The following UNC45A variants were observed in gnomAD, a reference collection of about 807,000 sequenced individuals.
The protein encoded by UNC45A is unc-45 myosin chaperone A, also known as protein unc-45 homolog A.
A neutral mutation model predicts 103.2 loss-of-function variants in UNC45A; 78 were observed. The ratio of observed to expected loss-of-function variants is 0.76; its 90% CI spans 0.63 to 0.91. The LOEUF is 0.91. Among genes scored for constraint, UNC45A ranks in the 40% least tolerant of loss-of-function variants. UNC45A has a pLI of 0.00. For missense variants in UNC45A, 1,193 were observed against 1,224.8 expected (o/e 0.97, Z 0.39); for synonymous variants, 495 against 504.6 (o/e 0.98, Z 0.25).
In UNC45A at chr15:90,949,177, A is replaced by G. The variant is rs1596238108; in HGVS notation, c.1879-139A>G. On this transcript the variant is annotated intron_variant, in intron 13 of 19. Transcript: ENST00000418476. ...AGGTGTGAGCCACCGTGCCCAGCCAACAGCCTCCCTTTTAAGCCAGTTTGT... is the reference window on the plus strand; with the variant it reads ...AGGTGTGAGCCACCGTGCCCAGCCAGCAGCCTCCCTTTTAAGCCAGTTTGT... 3.1e-6 allele frequency: 4 copies of G among 1,286,230 alleles called. No individual in the cohort carries two copies. In the Admixed American group the frequency reaches 6.7e-5, roughly 21 times the overall value. 79.7% of individuals were successfully genotyped at this position (1,286,230 alleles called of 1,614,324 possible).
Position 90,935,385 on chromosome 15 carries a change from C to T in UNC45A, c.51+10C>T. ...GCCGGCCACCCCCGGGGTGCGTACC[C>T]AACCCCCGCGCCATCACCCCTTCGC... On this transcript the variant is annotated intron_variant, in intron 1 of 19. Coordinates refer to ENST00000418476, the MANE Select transcript of UNC45A (RefSeq NM_018671.5). 6.3e-7 allele frequency: 1 copy of T among 1,589,850 alleles called. No individual in the cohort carries two copies. Among genetic ancestry groups the T allele is most frequent in the Non-Finnish European group, 8.6e-7 (1 of 1,167,956 alleles).
At position 90,948,202 on chromosome 15, in the gene UNC45A, T is replaced by G; in HGVS notation, c.1656T>G (p.Ala552=). The G allele has an allele frequency of 6.2e-7, 1 of 1,614,172 alleles. No homozygotes were observed. The highest frequency in any genetic ancestry group is 8.5e-7 in the Non-Finnish European group (1 of 1,180,046). ...GGCGCTGGGCAGTGGAGGGCCTGGC[T>G]TACCTGACCTTTGATGCCGACGTGA... ...GTRRWAVEGL[A]YLTFDADVKE... Residue 552 remains alanine, a synonymous_variant, in exon 12 of 20, where the codon GCT becomes GCG. Coordinates refer to ENST00000418476, the MANE Select transcript of UNC45A (RefSeq NM_018671.5).
In UNC45A at chr15:90,942,590, G is replaced by GGTGC; in HGVS notation, c.842_845dup (p.Ile283CysfsTer16). 1 of 1,614,190 alleles carries GGTGC rather than the reference G, an allele frequency of 6.2e-7. No individual in the cohort carries two copies. The highest frequency in any genetic ancestry group is 1.3e-5 in the African/African-American group (1 of 75,044). ...CAAAAAAGGCTTCCGAGGCAAAGAA[G>GGTGC]GTGCCATCATTGTGGGTGAGTGGAA... is the stretch of plus-strand genomic sequence containing the variant. On this transcript the variant is annotated frameshift_variant, in exon 7 of 20. Transcript: ENST00000418476. LOFTEE classifies it high-confidence loss of function.
At chr15:90,952,275 T>C (rs1241003898) in intron 17 of UNC45A, 1 of 152,358 alleles carries the variant, frequency 6.6e-6, no homozygotes, top group East Asian at 1.9e-4. Context: ...GCTTCCTGGC[T>C]CTACAGGCTG....
upstream of UNC45A, chr15:90,931,949 G>C: frequency 6.2e-7 from 1 of 1,613,732 alleles, no homozygotes; most frequent in Non-Finnish European, 8.5e-7. Context: ...GGCCGCCTGG[G>C]GACAAGTTCC....
chr15:90,938,214 G>A (rs1367520650), intron 4 of UNC45A, among the ~76,000 whole-genome samples: 1 of 152,168 alleles, frequency 6.6e-6, no homozygotes, highest in Admixed American at 6.6e-5. Context: ...TTCCAAAGGA[G>A]ACTGCATCAC....
At chr15:90,945,661 C>T (rs1373333904) in intron 9 of UNC45A, among the ~76,000 whole-genome samples, 15 of 134,630 alleles carry the variant, frequency 1.1e-4, no homozygotes, top group South Asian at 2.3e-4. Context: ...GATGGAGTTT[C>T]GCTCTTGTTG....
At chr15:90,934,925 T>C (rs975583925), upstream of UNC45A, 6 of 438,702 alleles carry the variant, frequency 1.4e-5, no homozygotes, top group South Asian at 3.0e-4. Context: ...GGGATCCAGA[T>C]ACTTTTTCTC....
Position 90,948,123 on chromosome 15 carries a change from C to G in UNC45A, c.1596-19C>G, listed in dbSNP as rs1354192589. 3 of 1,613,532 alleles carry G rather than the reference C, an allele frequency of 1.9e-6. No individual in the cohort carries two copies. In the African/African-American group the frequency reaches 4.0e-5, roughly 22 times the overall value. ...TACCCCCAATCCTGAGGGTCGTCCACTATCCTGCGTGTCCCCAGGTGGCTG... is the reference window on the plus strand; with the variant it reads ...TACCCCCAATCCTGAGGGTCGTCCAGTATCCTGCGTGTCCCCAGGTGGCTG... On this transcript the variant is annotated intron_variant, in intron 11 of 19. Coordinates refer to ENST00000418476, the MANE Select transcript of UNC45A (RefSeq NM_018671.5).
At position 90,946,776 on chromosome 15, in the gene UNC45A, G is replaced by C. The variant is rs759734554; in HGVS notation, c.1362G>C (p.Gln454His). The part of the protein sequence containing the change: ...ALCASEQEEE[Q>H]LVAVEALIHA... ...GTGCCTCTGAGCAGGAGGAGGAGCA[G>C]CTGGTGGCCGTGGAGGCTCTGATCC... The change falls in exon 10 of 20, where the codon CAG becomes CAC. Residue 454 changes from glutamine to histidine, a missense_variant. By Grantham distance (24) the Gln-to-His change is conservative (BLOSUM62 0). Coordinates refer to ENST00000418476, the MANE Select transcript of UNC45A (RefSeq NM_018671.5). The C allele has an allele frequency of 8.1e-6, 13 of 1,614,244 alleles. No individual in the cohort carries two copies. The highest frequency in any genetic ancestry group is 2.5e-6 in the Non-Finnish European group (3 of 1,180,048).
rs1440287352 is a variant in UNC45A at position 90,953,137 on chromosome 15, C to T, written c.2422-18C>T. ...TTACACCCAACTGACTTGGTCCACT[C>T]CTCACATCTGGCCACAGGTGCAGGA... On this transcript the variant is annotated intron_variant, in intron 18 of 19. Coordinates refer to ENST00000418476, the MANE Select transcript of UNC45A (RefSeq NM_018671.5). 19 of 1,612,892 alleles carry T rather than the reference C, an allele frequency of 1.2e-5. No individual in the cohort carries two copies. The highest frequency in any genetic ancestry group is 1.4e-5 in the Non-Finnish European group (17 of 1,179,420).
In UNC45A at chr15:90,953,303, C is replaced by T. The variant is rs151115444; in HGVS notation, c.2570C>T (p.Pro857Leu). 65 of 1,608,394 alleles carry T rather than the reference C, an allele frequency of 4.0e-5. No homozygotes were observed. In the African/African-American group the frequency reaches 6.4e-4, roughly 16 times the overall value. The change falls in exon 19 of 20, where the codon CCC becomes CTC. Residue 857 changes from proline to leucine, a missense_variant. Coordinates refer to ENST00000418476, the MANE Select transcript of UNC45A (RefSeq NM_018671.5). The part of the protein sequence containing the change: ...SMRPTLCSRI[P>L]QVTTHWLEIL... ...CGGCCCACGCTCTGCAGCCGCATTC[C>T]CCAAGTGGTCAGTGCCTCTTCTCAG... is the stretch of plus-strand genomic sequence containing the variant.
chr15:90,932,491 CGAGCCGCGAA>C, upstream of UNC45A: 2 of 1,314,900 alleles, frequency 1.5e-6, no homozygotes, highest in Non-Finnish European at 9.7e-7. Flanking sequence ...CCGGTGCTTG[CGAGCCGCGAA>C]GTCGGCAGCC....
At chr15:90,948,355 G>A in intron 12 of UNC45A, 72 bp downstream of exon 12, 2 of 1,588,162 alleles carry the variant, frequency 1.3e-6, no homozygotes, top group Non-Finnish European at 1.7e-6. Context: ...TTTCTCGGCA[G>A]GGCTTGGCCA....
Position 90,953,514 on chromosome 15 carries a change from T to C in UNC45A, c.2633T>C (p.Leu878Pro). Reference sequence around the variant, plus strand: ...CTGCTTCTGAGCTCCAACCAGGAGCTGCAGCACCGGGGTGCTGTGGTGGTG... The same window carrying C: ...CTGCTTCTGAGCTCCAACCAGGAGCCGCAGCACCGGGGTGCTGTGGTGGTG... The part of the protein sequence containing the change: ...QALLLSSNQE[L>P]QHRGAVVVLN... Residue 878 changes from leucine to proline, a missense_variant, in exon 20 of 20, where the codon CTG becomes CCG. Physicochemically the swap from Leu to Pro is moderately conservative, Grantham distance 98. Coordinates refer to ENST00000418476, the MANE Select transcript of UNC45A (RefSeq NM_018671.5). 6.2e-7 allele frequency: 1 copy of C among 1,614,104 alleles called. No homozygotes were observed. Among genetic ancestry groups the C allele is most frequent in the Non-Finnish European group, 8.5e-7 (1 of 1,180,042 alleles).
Position 90,936,401 on chromosome 15 carries a change from C to G in UNC45A, c.367C>G (p.Pro123Ala), listed in dbSNP as rs1046628338. The change falls in exon 4 of 20, where the codon CCC becomes GCC. Residue 123 changes from proline to alanine, a missense_variant. Pro to Ala is a conservative substitution (Grantham distance 27). Transcript: ENST00000418476. Reference sequence around the variant, plus strand: ...CCTGCAGAGATGTGTGAGCTTGGAGCCCAAGAACAAAGTTTTCCAGGAGGC... The same window carrying G: ...CCTGCAGAGATGTGTGAGCTTGGAGGCCAAGAACAAAGTTTTCCAGGAGGC... ...LDLQRCVSLE[P>A]KNKVFQEALR... 7.7e-5 allele frequency: 124 copies of G among 1,614,042 alleles called. No homozygotes were observed. The highest frequency in any genetic ancestry group is 9.8e-5 in the Non-Finnish European group (116 of 1,180,032).
chr15:90,936,505 A>G, intron 4 of UNC45A, 45 bp downstream of exon 4: 1 of 1,602,748 alleles, frequency 6.2e-7, no homozygotes, highest in Non-Finnish European at 8.5e-7. Context: ...CTGGTGGTGA[A>G]GGGGTCTGGG....
upstream of UNC45A, chr15:90,931,765 T>TTTGGCCC: frequency 6.2e-7 from 1 of 1,614,104 alleles, no homozygotes; most frequent in Non-Finnish European, 8.5e-7. Flanking sequence ...GCTTCACCAG[T>TTTGGCCC]TTGGCCCCGG....
In UNC45A at chr15:90,936,624, G is replaced by A. The variant is rs555855996; in HGVS notation, c.426+164G>A. On this transcript the variant is annotated intron_variant, in intron 4 of 19. Coordinates refer to ENST00000418476, the MANE Select transcript of UNC45A (RefSeq NM_018671.5). Reference sequence around the variant, plus strand: ...GACAGCACATTACTGTTGATTTGGAGGTCTGTCTGGCAGATATTTAAAAGT... The same window carrying A: ...GACAGCACATTACTGTTGATTTGGAAGTCTGTCTGGCAGATATTTAAAAGT... Among the ~76,000 whole-genome samples, 3 of 152,324 alleles carry A rather than the reference G, an allele frequency of 2.0e-5. No homozygotes were observed. The South Asian group carries it at 6.2e-4, about 32-fold the overall frequency.
Sources: gnomAD v4.1 joint callset for allele counts (sites outside exome capture counted in the v4.1 genomes callset) on GRCh38, gnomAD v4.1.1 for gene constraint, MANE v1.5 for transcripts, NCBI Gene and HGNC (gene_info 2026-07-23, HGNC 2026-07-21) for gene names.